THSD7B: variants seen among roughly 807,000 people sequenced by gnomAD.
The protein encoded by THSD7B is thrombospondin type-1 domain-containing protein 7B.
A neutral mutation model predicts 213.6 loss-of-function variants in THSD7B; 138 were observed. The ratio of observed to expected loss-of-function variants is 0.65; its 90% CI spans 0.56 to 0.74. The LOEUF (loss-of-function observed/expected upper bound fraction) is 0.74. THSD7B is among the 30% of genes least tolerant of loss of function. The probability of loss-of-function intolerance (pLI) is 0.00; values close to 1 mark genes in which losing one functional copy is unlikely to be tolerated. For missense variants in THSD7B, 1,931 were observed against 1,991.5 expected (o/e 0.97, Z 0.58); for synonymous variants, 742 against 687.0 (o/e 1.08, Z -1.25).
At chr2:137,037,701 T>G (rs918975948) in intron 2 of THSD7B, among the ~76,000 whole-genome samples, 2 of 152,232 alleles carry the variant, frequency 1.3e-5, no homozygotes, top group African/African-American at 4.8e-5. Context: ...GCTAAAGTAC[T>G]TTCTGCATGA....
intron 19 of THSD7B, among the ~76,000 whole-genome samples, chr2:137,620,113 T>A (rs528781147): frequency 1.7e-4 from 26 of 152,368 alleles, no homozygotes; most frequent in African/African-American, 5.8e-4. Flanking sequence ...TATCATCAAC[T>A]TGACCCATCG....
In THSD7B at chr2:137,241,031, A is replaced by G. The variant is rs76556788; in HGVS notation, c.2151-1426A>G. ...AACTTGCTAGACTGGTGTTTTTTCA[A>G]TCATAATTTTTTCAGGTGCTTTGTC... On this transcript the variant is annotated intron_variant, in intron 9 of 27. Transcript: ENST00000409968. Among the ~76,000 whole-genome samples the G allele has an allele frequency of 4.2e-3, 645 of 152,090 alleles. 5 individuals carry two copies. Among genetic ancestry groups the G allele is most frequent in the African/African-American group, 0.015 (612 of 41,454 alleles).
chr2:137,664,380 T>G (rs78357482), intron 26 of THSD7B, among the ~76,000 whole-genome samples: 1 of 152,172 alleles, frequency 6.6e-6, no homozygotes. Flanking sequence ...TTTGTGATTA[T>G]GTATAGTTTC....
chr2:136,788,051 G>A (rs963817189), intron 1 of THSD7B, among the ~76,000 whole-genome samples: 5 of 152,190 alleles, frequency 3.3e-5, no homozygotes, highest in African/African-American at 1.2e-4. Context: ...AGATATGTGA[G>A]TATAAGGCAG....
chr2:136,997,389 G>T (rs1269188060), intron 2 of THSD7B, among the ~76,000 whole-genome samples: 1 of 152,144 alleles, frequency 6.6e-6, no homozygotes, highest in African/African-American at 2.4e-5. Context: ...GGGGATTAAA[G>T]AATAAAATAT....
intron 5 of THSD7B, among the ~76,000 whole-genome samples, chr2:137,159,352 G>A (rs941425753): frequency 1.3e-5 from 2 of 151,818 alleles, no homozygotes; most frequent in African/African-American, 4.8e-5. Flanking sequence ...TAGGAAGATC[G>A]ATTAAGTTGA....
In THSD7B at chr2:136,998,831, A is replaced by T. The variant is rs892524225; in HGVS notation, c.140-57589A>T. 3.9e-5 allele frequency among the ~76,000 whole-genome samples: 6 copies of T among 151,956 alleles called. No homozygotes were observed. The South Asian group carries it at 8.3e-4, about 21-fold the overall frequency. ...ATAAGTTTGAGAAGTTTAAAAACAT[A>T]CTTGGTGATGGGGGAGATAAATAAT... On this transcript the variant is annotated intron_variant, in intron 2 of 27. Coordinates refer to ENST00000409968, the MANE Select transcript of THSD7B (RefSeq NM_001316349.2).
intron 20 of THSD7B, among the ~76,000 whole-genome samples, chr2:137,624,523 A>AC (rs1553465068): frequency 6.6e-6 from 1 of 152,234 alleles, no homozygotes; most frequent in Non-Finnish European, 1.5e-5. Flanking sequence ...AACTACCATC[A>AC]GAGTGAACAG....
chr2:137,357,887 A>G (rs1032666640), intron 12 of THSD7B, among the ~76,000 whole-genome samples: 2 of 152,198 alleles, frequency 1.3e-5, no homozygotes, highest in African/African-American at 4.8e-5. Flanking sequence ...ATTTTAGATC[A>G]TTTTAAGTGA....
intron 12 of THSD7B, among the ~76,000 whole-genome samples, chr2:137,301,421 C>T (rs1683597961): frequency 6.6e-6 from 1 of 151,990 alleles, no homozygotes; most frequent in South Asian, 2.1e-4. Context: ...ACTCTTTTAC[C>T]TCCTGTAATT....
intron 14 of THSD7B, among the ~76,000 whole-genome samples, chr2:137,418,342 G>A (rs969232892): frequency 1.2e-4 from 19 of 152,160 alleles, no homozygotes; most frequent in African/African-American, 2.4e-4. Context: ...TATCACTCCC[G>A]TAGATTTTAA....
Position 137,486,739 on chromosome 2 carries a change from G to T in THSD7B, c.3138+35716G>T, listed in dbSNP as rs186074082. Among the ~76,000 whole-genome samples, 1,144 of 152,234 alleles carry T rather than the reference G, an allele frequency of 7.5e-3. 13 individuals are homozygous for T. The highest frequency in any genetic ancestry group is 0.026 in the African/African-American group (1,077 of 41,522). On this transcript the variant is annotated intron_variant, in intron 15 of 27. Coordinates refer to ENST00000409968, the MANE Select transcript of THSD7B (RefSeq NM_001316349.2). ...CTATTCCAAAATTGATCACATAGTT[G>T]GAAGTAAAGCTCTCCTCAGCAAATG... is the stretch of plus-strand genomic sequence containing the variant.
Position 137,323,189 on chromosome 2 carries a change from G to A in THSD7B, c.2500+47163G>A, listed in dbSNP as rs539572751. ...TGATCAGAAATGACGGAGTTAAAAA[G>A]ATTCTACAAAATGGAAGAGTATAAA... is the stretch of plus-strand genomic sequence containing the variant. On this transcript the variant is annotated intron_variant, in intron 12 of 27. Coordinates refer to ENST00000409968, the MANE Select transcript of THSD7B (RefSeq NM_001316349.2). Among the ~76,000 whole-genome samples, 25 of 152,296 alleles carry A rather than the reference G, an allele frequency of 1.6e-4. No homozygotes were observed. In the South Asian group the frequency reaches 3.3e-3, roughly 20 times the overall value.
At chr2:137,214,097 A>G (rs963528904) in intron 7 of THSD7B, among the ~76,000 whole-genome samples, 1 of 152,128 alleles carries the variant, frequency 6.6e-6, no homozygotes, top group Admixed American at 6.6e-5. Context: ...AAATAAACTA[A>G]TAAGTTGAAG....
At chr2:137,311,992 C>T (rs1404580187) in intron 12 of THSD7B, among the ~76,000 whole-genome samples, 1 of 147,420 alleles carries the variant, frequency 6.8e-6, no homozygotes, top group Non-Finnish European at 1.5e-5. Flanking sequence ...CTCTGCCCGG[C>T]TTTGGTATCA....
chr2:137,312,608 A>G (rs1032482210), intron 12 of THSD7B, among the ~76,000 whole-genome samples: 3 of 150,610 alleles, frequency 2.0e-5, no homozygotes, highest in African/African-American at 4.9e-5. Context: ...CAGGGTGTCA[A>G]TTTTGGATCT....
chr2:136,816,718 C>A (rs1325113645), intron 1 of THSD7B, among the ~76,000 whole-genome samples: 1 of 152,204 alleles, frequency 6.6e-6, no homozygotes, highest in Non-Finnish European at 1.5e-5. Context: ...CACATATTTG[C>A]ATCTCCACTG....
At chr2:137,573,826 C>T (rs933801269) in intron 17 of THSD7B, among the ~76,000 whole-genome samples, 1 of 152,012 alleles carries the variant, frequency 6.6e-6, no homozygotes, top group South Asian at 2.1e-4. Context: ...GAACATTATT[C>T]TATTGATGAA....
In THSD7B at chr2:137,625,393, G is replaced by A. The variant is rs543200452; in HGVS notation, c.3799+4667G>A. 5.3e-5 allele frequency among the ~76,000 whole-genome samples: 8 copies of A among 151,774 alleles called. 1 individual carries two copies. In the South Asian group the frequency reaches 1.7e-3, roughly 32 times the overall value. ...TAGTGTAAACAACGAGTTAATGGGT[G>A]CAGCACACCAACATGACACATGTAT... On this transcript the variant is annotated intron_variant, in intron 20 of 27. Coordinates refer to ENST00000409968, the MANE Select transcript of THSD7B (RefSeq NM_001316349.2).
Sources: allele counts gnomAD v4.1 joint callset (sites outside exome capture counted in the v4.1 genomes callset), GRCh38; gene constraint gnomAD v4.1.1; transcripts MANE v1.5; gene names NCBI Gene and HGNC (gene_info 2026-07-23, HGNC 2026-07-21).